Variants in PPM1H observed in about 807,000 individuals in gnomAD.
The protein encoded by PPM1H is protein phosphatase 1H.
In PPM1H, 27 loss-of-function variants were observed where a neutral mutation model predicts 54.9. The observed-to-expected ratio is 0.49, with a 90% CI of 0.36 to 0.68. The LOEUF (loss-of-function observed/expected upper bound fraction) is 0.68, where lower values mean the gene tolerates loss of function less well. PPM1H is among the 30% of genes least tolerant of loss of function. The probability of loss-of-function intolerance (pLI) is 0.00; values close to 1 mark genes in which losing one functional copy is unlikely to be tolerated. For missense variants in PPM1H, 596 were observed against 667.8 expected (o/e 0.89, Z 1.19); for synonymous variants, 305 against 270.8 (o/e 1.13, Z -1.24).
intron 6 of PPM1H, among the ~76,000 whole-genome samples, chr12:62,711,117 A>G (rs61919554): frequency 0.03 from 4,494 of 152,202 alleles, 108 homozygotes; most frequent in East Asian, 0.14. Flanking sequence ...TCAGGCTCCC[A>G]GGTAGCTGGG....
intron 2 of PPM1H, among the ~76,000 whole-genome samples, chr12:62,819,130 CTTTT>C (rs34661742): frequency 8.8e-6 from 1 of 113,824 alleles, no homozygotes. Flanking sequence ...CAAAACATTG[CTTTT>C]TTTTTTTTTT....
chr12:62,932,174 T>C (rs1872159453), intron 1 of PPM1H, among the ~76,000 whole-genome samples: 2 of 151,776 alleles, frequency 1.3e-5, no homozygotes, highest in Non-Finnish European at 2.9e-5. Context: ...CATTTTACAG[T>C]GGCCTTCCTA....
At chr12:62,693,067 C>T (rs2076092151) in intron 7 of PPM1H, among the ~76,000 whole-genome samples, 1 of 152,146 alleles carries the variant, frequency 6.6e-6, no homozygotes, top group African/African-American at 2.4e-5. Flanking sequence ...AGACTCTTCT[C>T]AATGTGACCA....
At chr12:62,901,869 A>T in intron 1 of PPM1H, among the ~76,000 whole-genome samples, 1 of 152,158 alleles carries the variant, frequency 6.6e-6, no homozygotes, top group East Asian at 1.9e-4. Flanking sequence ...ACTTGGTTTC[A>T]AATGAAGGCA....
chr12:62,819,695 T>G (rs761208223), intron 2 of PPM1H, among the ~76,000 whole-genome samples: 29 of 152,222 alleles, frequency 1.9e-4, no homozygotes, highest in Non-Finnish European at 3.8e-4. Flanking sequence ...ATTTCAAACA[T>G]TGCTTCTTTA....
intron 8 of PPM1H, among the ~76,000 whole-genome samples, chr12:62,670,333 T>C (rs948969319): frequency 1.3e-5 from 2 of 152,162 alleles, no homozygotes; most frequent in Admixed American, 1.3e-4. Flanking sequence ...TAATTTGAAC[T>C]CTTTATGATA....
chr12:62,896,225 C>T (rs1870982608), intron 1 of PPM1H, among the ~76,000 whole-genome samples: 1 of 152,076 alleles, frequency 6.6e-6, no homozygotes, highest in Admixed American at 6.5e-5. Context: ...AAAGCAATGG[C>T]AAGAAAAGCC....
At chr12:62,923,470 C>T (rs1375533155) in intron 1 of PPM1H, among the ~76,000 whole-genome samples, 1 of 152,098 alleles carries the variant, frequency 6.6e-6, no homozygotes, top group Admixed American at 6.6e-5. Flanking sequence ...GGCGCGATCT[C>T]GGCTCACTGC....
chr12:62,737,412 C>T, intron 5 of PPM1H, 90 bp downstream of exon 5: 1 of 832,008 alleles, frequency 1.2e-6, no homozygotes, highest in Non-Finnish European at 1.8e-6. Context: ...GGTGAGCCTG[C>T]TCCCATGTCA....
chr12:62,755,790 T>C, intron 4 of PPM1H: 1 of 947,534 alleles, frequency 1.1e-6, no homozygotes, highest in Non-Finnish European at 1.7e-6. Context: ...CAGAAGACTG[T>C]GGATGGCCCC....
chr12:62,861,485 T>C (rs1234841945), intron 1 of PPM1H, among the ~76,000 whole-genome samples: 1 of 152,264 alleles, frequency 6.6e-6, no homozygotes, highest in Non-Finnish European at 1.5e-5. Flanking sequence ...TCTATTTGTT[T>C]AAATATTTCT....
At chr12:62,864,807 C>T (rs945556325) in intron 1 of PPM1H, among the ~76,000 whole-genome samples, 4 of 152,186 alleles carry the variant, frequency 2.6e-5, no homozygotes, top group Non-Finnish European at 5.9e-5. Context: ...ATATGCAACT[C>T]AAGTTCCCTT....
intron 1 of PPM1H, among the ~76,000 whole-genome samples, chr12:62,874,506 T>G (rs1870094194): frequency 6.6e-6 from 1 of 152,046 alleles, no homozygotes; most frequent in South Asian, 2.1e-4. Context: ...CCATTTTTTT[T>G]TTTAATGGTT....
chr12:62,843,588 G>C (rs1047568262), intron 1 of PPM1H, among the ~76,000 whole-genome samples: 3 of 152,124 alleles, frequency 2.0e-5, no homozygotes, highest in African/African-American at 7.2e-5. Flanking sequence ...ATAAAACACA[G>C]GTAACACAAG....
chr12:62,700,110 T>A (rs757590270), intron 6 of PPM1H, among the ~76,000 whole-genome samples: 4 of 151,992 alleles, frequency 2.6e-5, no homozygotes, highest in Non-Finnish European at 5.9e-5. Flanking sequence ...CCTGCCCCGA[T>A]GACTTCAGCC....
Position 62,901,996 on chromosome 12 carries a change from T to C in PPM1H, c.245+32496A>G, listed in dbSNP as rs74611996. 5.6e-4 allele frequency among the ~76,000 whole-genome samples: 86 copies of C among 152,290 alleles called. No homozygotes were observed. The East Asian group carries it at 0.015, about 26-fold the overall frequency. ...ACGAAATAATCCATCTGAAACATGG[T>C]TTGCCTACTTTAAAGGGTTCCTCTA... On this transcript the variant is annotated intron_variant, in intron 1 of 9. Transcript: ENST00000228705.
intron 2 of PPM1H, 112 bp downstream of exon 2, chr12:62,832,002 A>G: frequency 3.1e-6 from 4 of 1,303,184 alleles, no homozygotes; most frequent in Non-Finnish European, 4.3e-6. Flanking sequence ...CTCTGGGGAC[A>G]CTGCTTTCTC....
At chr12:62,868,224 T>C (rs1187399125) in intron 1 of PPM1H, among the ~76,000 whole-genome samples, 1 of 152,244 alleles carries the variant, frequency 6.6e-6, no homozygotes, top group Non-Finnish European at 1.5e-5. Context: ...TATGACACCA[T>C]GGTCTGTTCT....
intron 4 of PPM1H, among the ~76,000 whole-genome samples, chr12:62,770,712 A>G (rs532523832): frequency 3.9e-5 from 6 of 152,244 alleles, no homozygotes; most frequent in Non-Finnish European, 7.3e-5. Context: ...ACTTTGACAC[A>G]GAAAAGCAGC....
Sources: allele counts gnomAD v4.1 joint callset (sites outside exome capture counted in the v4.1 genomes callset), GRCh38; gene constraint gnomAD v4.1.1; transcripts MANE v1.5; gene names NCBI Gene and HGNC (gene_info 2026-07-23, HGNC 2026-07-21).